The following RARB variants were observed in gnomAD, a reference collection of about 807,000 sequenced individuals.
RARB encodes HBV-activated protein.
RARB carries 17 observed loss-of-function variants against 51.9 expected under a neutral mutation model. The ratio of observed to expected loss-of-function variants is 0.33; its 90% CI spans 0.22 to 0.49. The LOEUF is 0.49. Ranked by LOEUF, RARB falls within the 20% of genes least tolerant of loss-of-function variation. The pLI is 0.99. For missense variants in RARB, 369 were observed against 550.8 expected (o/e 0.67, Z 3.30); for synonymous variants, 215 against 195.4 (o/e 1.10, Z -0.84).
chr3:25,212,716 A>G (rs1027862097), intron 5 of RARB, among the ~76,000 whole-genome samples: 17 of 151,838 alleles, frequency 1.1e-4, no homozygotes, highest in Non-Finnish European at 1.5e-5. Flanking sequence ...TTATCTCTCC[A>G]TCTGATGCTA....
At chr3:25,166,019 C>A (rs1700555079) in intron 4 of RARB, among the ~76,000 whole-genome samples, 1 of 151,418 alleles carries the variant, frequency 6.6e-6, no homozygotes, top group Non-Finnish European at 1.5e-5. Context: ...ATTAAATGAC[C>A]CCTCCTGATG....
intron 2 of RARB, among the ~76,000 whole-genome samples, chr3:24,886,225 G>A (rs1204618617): frequency 6.6e-6 from 1 of 152,078 alleles, no homozygotes; most frequent in Non-Finnish European, 1.5e-5. Flanking sequence ...CTTTATAGTT[G>A]CTTTGTAGCT....
chr3:25,429,023 A>C, intron 1 of RARB, 135 bp downstream of exon 1: 1 of 1,137,316 alleles, frequency 8.8e-7, no homozygotes, highest in Non-Finnish European at 1.2e-6. Flanking sequence ...GGGGTGTGAT[A>C]TGCTGGCATG....
intron 5 of RARB, among the ~76,000 whole-genome samples, chr3:25,297,402 CTTTTTTTTTTTTTT>C (rs67843073): frequency 1.6e-5 from 1 of 63,428 alleles, no homozygotes; most frequent in South Asian, 8.2e-4. Flanking sequence ...AGAAGGTATT[CTTTTTTTTTTTTTT>C]TTTTTTTTTT....
intron 5 of RARB, among the ~76,000 whole-genome samples, chr3:25,274,825 G>A (rs1001601419): frequency 6.6e-6 from 1 of 151,992 alleles, no homozygotes; most frequent in East Asian, 1.9e-4. Context: ...GCATCTTAGG[G>A]CTCAGGGTCG....
At chr3:25,307,268 T>A (rs920679322) in intron 5 of RARB, among the ~76,000 whole-genome samples, 29 of 151,904 alleles carry the variant, frequency 1.9e-4, no homozygotes, top group Admixed American at 1.6e-3. Flanking sequence ...ACACCTGTAA[T>A]CTCAGCTGCC....
intron 5 of RARB, among the ~76,000 whole-genome samples, chr3:25,403,430 A>G (rs1448690387): frequency 6.6e-6 from 1 of 152,206 alleles, no homozygotes; most frequent in Non-Finnish European, 1.5e-5. Context: ...AATTTAAAAA[A>G]TAAACAATAA....
intron 1 of RARB, among the ~76,000 whole-genome samples, chr3:25,454,146 C>A (rs13314219): frequency 0.64 from 97,436 of 152,108 alleles, 31,520 homozygotes; most frequent in East Asian, 0.84. Context: ...TTACATTTTA[C>A]TAAAATGTCT....
At chr3:25,113,088 T>C (rs1252632597) in intron 3 of RARB, among the ~76,000 whole-genome samples, 1 of 152,220 alleles carries the variant, frequency 6.6e-6, no homozygotes, top group Non-Finnish European at 1.5e-5. Flanking sequence ...TAAAGTTATC[T>C]GTCATTTGCT....
intron 2 of RARB, among the ~76,000 whole-genome samples, chr3:24,869,763 T>A (rs1233080211): frequency 6.6e-6 from 1 of 152,132 alleles, no homozygotes; most frequent in Admixed American, 6.6e-5. Flanking sequence ...ATTGTATTTC[T>A]GTTTATCCTC....
intron 3 of RARB, among the ~76,000 whole-genome samples, chr3:25,536,504 T>C (rs927760583): frequency 3.3e-5 from 5 of 152,186 alleles, no homozygotes; most frequent in Non-Finnish European, 7.3e-5. Flanking sequence ...AAAATGGAAT[T>C]GAGACACTTG....
intron 5 of RARB, among the ~76,000 whole-genome samples, chr3:25,287,282 A>T (rs1703679328): frequency 6.6e-6 from 1 of 152,126 alleles, no homozygotes; most frequent in South Asian, 2.1e-4. Context: ...TTCATTTCTG[A>T]CGTGGTTTTA....
intron 4 of RARB, among the ~76,000 whole-genome samples, chr3:25,134,009 T>C (rs916437962): frequency 2.2e-4 from 33 of 150,948 alleles, no homozygotes; most frequent in African/African-American, 8.0e-4. Context: ...AAAAGAACAC[T>C]GCTTTCTTGC....
chr3:25,206,551 TC>T lies in RARB; in HGVS notation c.178+31979del, dbSNP rs1412918588. 7.2e-5 allele frequency among the ~76,000 whole-genome samples: 11 copies of T among 152,282 alleles called. 1 individual carries two copies. Among genetic ancestry groups the T allele is most frequent in the Admixed American group, 3.9e-4 (6 of 15,286 alleles). On this transcript the variant is annotated intron_variant, in intron 5 of 11. Transcript: ENST00000383772. Reference sequence around the variant, plus strand: ...TTTCGAGAAAATCTTTTGAGGTCATTCCCTGTGCCCATCTACCCATTTCAGA... The same window carrying T: ...TTTCGAGAAAATCTTTTGAGGTCATTCCTGTGCCCATCTACCCATTTCAGA...
intron 5 of RARB, among the ~76,000 whole-genome samples, chr3:25,264,869 T>C (rs563742199): frequency 1.3e-5 from 2 of 152,224 alleles, no homozygotes; most frequent in Admixed American, 6.5e-5. Flanking sequence ...TTGCCCTTTT[T>C]TTATTCTTAG....
rs1708087322 is a variant in RARB at position 25,428,886 on chromosome 3, A to C, written c.155A>C (p.Gln52Pro). The change falls in exon 1 of 8, where the codon CAA becomes CCA. Residue 52 changes from glutamine to proline, a missense_variant and splice_region_variant. This residue lies in a region of RARB where 99 missense variants were observed against 95.1 expected (regional missense o/e 1.04). Coordinates refer to ENST00000330688, the MANE Select transcript of RARB (RefSeq NM_000965.5). ...GAATGGCAGCATCGGCACACTGCTC[A>C]ATGTAGGTTTATTTTTTTCCCTTCT... ...QTEWQHRHTAQSIETQSTSSE... is the reference protein window; with the variant it reads ...QTEWQHRHTAPSIETQSTSSE... 1 of 1,596,446 alleles carries C rather than the reference A, an allele frequency of 6.3e-7. No individual in the cohort carries two copies. The highest frequency in any genetic ancestry group is 8.6e-7 in the Non-Finnish European group (1 of 1,168,104).
intron 1 of RARB, among the ~76,000 whole-genome samples, chr3:25,434,098 A>G (rs986081211): frequency 6.6e-6 from 1 of 152,212 alleles, no homozygotes; most frequent in African/African-American, 2.4e-5. Flanking sequence ...TGACGTCAGC[A>G]AGGCGACTCA....
intron 2 of RARB, among the ~76,000 whole-genome samples, chr3:24,966,102 T>C (rs930061691): frequency 5.7e-5 from 5 of 87,082 alleles, no homozygotes; most frequent in Admixed American, 4.0e-4. Context: ...TTTGAATTTT[T>C]TTTTTTTTTG....
chr3:25,426,248 G>T (rs1398626716), upstream of RARB, among the ~76,000 whole-genome samples: 1 of 152,068 alleles, frequency 6.6e-6, no homozygotes, highest in Non-Finnish European at 1.5e-5. Context: ...GTAGTTAAAG[G>T]GTTTCTTACA....
Sources: gnomAD v4.1 joint callset for allele counts (sites outside exome capture counted in the v4.1 genomes callset) on GRCh38, gnomAD v4.1.1 for gene constraint, gnomAD v4.1.1 regional missense constraint, MANE v1.5 for transcripts, NCBI Gene and HGNC (gene_info 2026-07-23, HGNC 2026-07-21) for gene names.